PAK5: variants seen among roughly 807,000 people sequenced by gnomAD.
PAK5 encodes serine/threonine-protein kinase PAK 5.
PAK5 carries 16 observed loss-of-function variants against 65.9 expected under a neutral mutation model. That is an observed-to-expected ratio of 0.24 (90% CI 0.16 to 0.37). The LOEUF (loss-of-function observed/expected upper bound fraction) is 0.37, where lower values mean the gene tolerates loss of function less well. Ranked by LOEUF, PAK5 falls within the 10% of genes least tolerant of loss-of-function variation. The pLI is 1.00. For synonymous variants in PAK5, 371 were observed against 354.9 expected (o/e 1.05, Z -0.51); for missense variants, 785 against 903.9 (o/e 0.87, Z 1.69).
intron 1 of PAK5, among the ~76,000 whole-genome samples, chr20:9,825,520 G>A (rs185554981): frequency 1.7e-4 from 26 of 152,076 alleles, no homozygotes; most frequent in African/African-American, 5.8e-4. Flanking sequence ...ATCCTTTTGC[G>A]TTTTGATAAT....
intron 2 of PAK5, among the ~76,000 whole-genome samples, chr20:9,679,992 C>T (rs1250674757): frequency 6.6e-6 from 1 of 152,200 alleles, no homozygotes; most frequent in Non-Finnish European, 1.5e-5. Context: ...GGCATGTAAT[C>T]TAGGCCTGTC....
intron 3 of PAK5, among the ~76,000 whole-genome samples, chr20:9,613,032 C>T (rs531597129): frequency 1.3e-5 from 2 of 152,086 alleles, no homozygotes; most frequent in African/African-American, 4.8e-5. Flanking sequence ...GTTTTGTGGG[C>T]CATCAAGTCT....
chr20:9,750,136 C>A (rs952545132), intron 1 of PAK5, among the ~76,000 whole-genome samples: 2 of 152,082 alleles, frequency 1.3e-5, no homozygotes, highest in Non-Finnish European at 2.9e-5. Flanking sequence ...CATTTATGGC[C>A]TAAACATTCT....
At chr20:9,630,223 G>A (rs1446688149) in intron 3 of PAK5, among the ~76,000 whole-genome samples, 1 of 152,202 alleles carries the variant, frequency 6.6e-6, no homozygotes, top group Non-Finnish European at 1.5e-5. Context: ...ATGCTAAAAT[G>A]AAGAGGTTCA....
rs1287789185 is a variant in PAK5, at chr20:9,538,747, G to T, written c.*715C>A. 4 of 232,706 alleles carry T rather than the reference G, an allele frequency of 1.7e-5. No individual in the cohort carries two copies. The highest frequency in any genetic ancestry group is 1.2e-4 in the East Asian group (2 of 16,412). The allele number at this position is 232,706 out of a possible 1,614,324, so 14.4% of individuals were successfully genotyped here. The stretch of plus-strand genomic sequence containing the variant: ...TTTCATTATTTTTGGTTGGATTAAT[G>T]AAACGTGCACACCATCACCATCACT... On this transcript the variant is annotated 3_prime_UTR_variant, in exon 10 of 10. Coordinates refer to ENST00000353224, the MANE Select transcript of PAK5 (RefSeq NM_177990.4).
At chr20:9,615,319 C>T (rs2046635276) in intron 3 of PAK5, among the ~76,000 whole-genome samples, 1 of 152,164 alleles carries the variant, frequency 6.6e-6, no homozygotes, top group African/African-American at 2.4e-5. Context: ...GAACTATGGA[C>T]TTTGAGTGAT....
chr20:9,660,740 A>C (rs927032783), intron 2 of PAK5, among the ~76,000 whole-genome samples: 4 of 152,118 alleles, frequency 2.6e-5, no homozygotes, highest in Non-Finnish European at 5.9e-5. Context: ...AGTAAGAGTC[A>C]ACAGCAAGTG....
rs373314011 is a variant in PAK5 at position 9,694,864 on chromosome 20, C to T, written c.-12+16422G>A. On this transcript the variant is annotated intron_variant, in intron 2 of 9. Transcript: ENST00000353224. ...ATAATGCTGCCTGAATGTTCAAGTA[C>T]GTGTCTTTTGGTGACATGTATGATG... Among the ~76,000 whole-genome samples the T allele has an allele frequency of 1.5e-4, 23 of 152,022 alleles. 1 individual carries two copies. In the Middle Eastern group the frequency reaches 0.01, roughly 67 times the overall value.
intron 1 of PAK5, among the ~76,000 whole-genome samples, chr20:9,807,611 G>A (rs2049248368): frequency 6.6e-6 from 1 of 151,894 alleles, no homozygotes; most frequent in African/African-American, 2.4e-5. Context: ...AAGTCAATGT[G>A]GCAGGGATAC....
chr20:9,709,757 A>C (rs565442248), intron 2 of PAK5, among the ~76,000 whole-genome samples: 2 of 152,298 alleles, frequency 1.3e-5, no homozygotes, highest in Admixed American at 6.5e-5. Flanking sequence ...AGATCTTAAA[A>C]TATCGTTCAG....
chr20:9,639,888 G>C (rs2047028898), intron 3 of PAK5, among the ~76,000 whole-genome samples: 1 of 152,206 alleles, frequency 6.6e-6, no homozygotes, highest in South Asian at 2.1e-4. Flanking sequence ...CACAGAACAT[G>C]ATGTGTTACC....
At chr20:9,652,588 G>A (rs58568100) in intron 2 of PAK5, among the ~76,000 whole-genome samples, 198 of 152,286 alleles carry the variant, frequency 1.3e-3, no homozygotes, top group African/African-American at 4.6e-3. Flanking sequence ...ATCAAAGCCT[G>A]TTGGGTGAAT....
chr20:9,575,083 T>C (rs1436218770), intron 4 of PAK5, among the ~76,000 whole-genome samples: 3 of 152,192 alleles, frequency 2.0e-5, no homozygotes, highest in Non-Finnish European at 4.4e-5. Context: ...GTTCAAGTGC[T>C]TTTTCCTTCC....
intron 1 of PAK5, among the ~76,000 whole-genome samples, chr20:9,809,600 T>C (rs1017984870): frequency 1.1e-4 from 17 of 152,182 alleles, no homozygotes; most frequent in African/African-American, 4.1e-4. Flanking sequence ...GAGCTCTTTG[T>C]GCTGTCATTA....
intron 1 of PAK5, among the ~76,000 whole-genome samples, chr20:9,761,687 A>G (rs1395407889): frequency 6.6e-6 from 1 of 152,204 alleles, no homozygotes. Flanking sequence ...GCACTGGCAT[A>G]AAAATAGACA....
chr20:9,637,058 T>A (rs1252262422), intron 3 of PAK5, among the ~76,000 whole-genome samples: 1 of 152,198 alleles, frequency 6.6e-6, no homozygotes, highest in Non-Finnish European at 1.5e-5. Flanking sequence ...TGGAGTGCAG[T>A]GGTTCAATCG....
intron 3 of PAK5, among the ~76,000 whole-genome samples, chr20:9,597,948 C>A (rs540112504): frequency 6.3e-4 from 96 of 152,304 alleles, no homozygotes; most frequent in African/African-American, 2.1e-3. Context: ...GAACAATAAA[C>A]AGTTTTTAAA....
chr20:9,753,387 T>C (rs1293676558), intron 1 of PAK5, among the ~76,000 whole-genome samples: 3 of 152,156 alleles, frequency 2.0e-5, no homozygotes, highest in Admixed American at 1.3e-4. Flanking sequence ...TAGTATAATG[T>C]ATTGTTTGAG....
chr20:9,787,920 A>C (rs1050973422), intron 1 of PAK5, among the ~76,000 whole-genome samples: 1 of 152,032 alleles, frequency 6.6e-6, no homozygotes, highest in African/African-American at 2.4e-5. Context: ...TTGTATGTTT[A>C]CATAATTTAA....
Sources: allele counts gnomAD v4.1 joint callset (sites outside exome capture counted in the v4.1 genomes callset), GRCh38; gene constraint gnomAD v4.1.1; transcripts MANE v1.5; gene names NCBI Gene and HGNC (gene_info 2026-07-23, HGNC 2026-07-21).